BCAM: variants seen among roughly 807,000 people sequenced by gnomAD.
BCAM encodes basal cell adhesion molecule (Lutheran blood group), also known as basal cell adhesion molecule.
BCAM carries 61 observed loss-of-function variants against 72.4 expected under a neutral mutation model. The observed-to-expected ratio is 0.84, with a 90% CI of 0.69 to 1.04. The LOEUF (loss-of-function observed/expected upper bound fraction) is 1.04. BCAM is among the 50% of genes least tolerant of loss of function. The pLI, the probability that BCAM is intolerant of heterozygous loss-of-function variation, is 0.00. For synonymous variants in BCAM, 408 were observed against 384.2 expected, an observed-to-expected ratio of 1.06 and a Z score of -0.73; for missense variants, 909 against 895.0, an observed-to-expected ratio of 1.02 and a Z score of -0.20.
intron 1 of BCAM, 100 bp from the exon 2 acceptor site, chr19:44,811,125 G>C: frequency 6.4e-7 from 1 of 1,570,450 alleles, no homozygotes; most frequent in Non-Finnish European, 8.7e-7. Flanking sequence ...AGGGAGGAGG[G>C]GCTGGGACCT....
chr19:44,814,708 C>A lies in BCAM; in HGVS notation c.1026C>A (p.Tyr342Ter), dbSNP rs770541247. ...CCTATGGCTGCAGAGTGGAGGATTA[C>A]GACGCGGCAGATGACGTGCAGCTCT... Reference protein sequence around the residue: ...SGTYGCRVEDYDAADDVQLSK... With the variant: ...SGTYGCRVED The change falls in exon 8 of 15, where the codon TAC (tyrosine) becomes TAA (stop). Residue 342 changes from tyrosine to a stop codon, truncating the protein, a stop_gained. Coordinates refer to ENST00000270233, the MANE Select transcript of BCAM (RefSeq NM_005581.5). LOFTEE classifies it high-confidence loss of function. This position sits in a 1 kb window ranked among gnomAD's most constrained non-coding sequence, Gnocchi z 4.6. The A allele has an allele frequency of 6.2e-7, 1 of 1,613,900 alleles. No homozygotes were observed. The highest frequency in any genetic ancestry group is 2.2e-5 in the East Asian group (1 of 44,874).
At chr19:44,819,217 G>A (rs1025158508) in intron 11 of BCAM, 25 bp downstream of exon 11, 2 of 1,613,474 alleles carry the variant, frequency 1.2e-6, no homozygotes, top group African/African-American at 2.7e-5. Flanking sequence ...TCTCCACCCT[G>A]AGCCCCCTCT....
rs774225110 is a variant in BCAM at position 44,818,759 on chromosome 19, G to C, written c.1213G>C (p.Asp405His). 2 of 1,614,072 alleles carry C rather than the reference G, an allele frequency of 1.2e-6. No homozygotes were observed. Among genetic ancestry groups the C allele is most frequent in the Non-Finnish European group, 1.7e-6 (2 of 1,179,994 alleles). The change falls in exon 10 of 15, where the codon GAT becomes CAT. Residue 405 changes from aspartate (D) to histidine (H), a missense_variant. Transcript: ENST00000270233. This position sits in a 1 kb window ranked among gnomAD's most constrained non-coding sequence, Gnocchi z 4.6. ...RWTKDSTPLG[D>H]GPMLSLSSIT... ...TTCCCAGGACTCCACTCCCCTGGGCGATGGCCCCATGCTGTCGCTCAGTTC... is the reference window on the plus strand; with the variant it reads ...TTCCCAGGACTCCACTCCCCTGGGCCATGGCCCCATGCTGTCGCTCAGTTC...
intron 8 of BCAM, among the ~76,000 whole-genome samples, chr19:44,816,672 C>T (rs915052502): frequency 6.6e-6 from 1 of 152,182 alleles, no homozygotes; most frequent in Non-Finnish European, 1.5e-5. Context: ...GGCACAGTGG[C>T]TCACACCTGT....
At chr19:44,820,466 C>G in intron 13 of BCAM, 1 of 1,246,614 alleles carries the variant, frequency 8.0e-7, no homozygotes, top group Non-Finnish European at 1.0e-6. Flanking sequence ...GATCCCAAAG[C>G]CAACTCCAGC....
chr19:44,810,757 A>T (rs1343189729), intron 1 of BCAM, among the ~76,000 whole-genome samples: 1 of 152,208 alleles, frequency 6.6e-6, no homozygotes, highest in Non-Finnish European at 1.5e-5. Context: ...AGGCTGGTGC[A>T]GTATTACCCC....
At position 44,814,909 on chromosome 19, in the gene BCAM, T is replaced by G. The variant is rs1000245755; in HGVS notation, c.1078+149T>G. 2.1e-4 allele frequency: 56 copies of G among 260,838 alleles called. 1 individual carries two copies. The highest frequency in any genetic ancestry group is 1.7e-3 in the Middle Eastern group (1 of 580). The allele number at this position is 260,838 out of a possible 1,614,324, so 16.2% of individuals were successfully genotyped here. On this transcript the variant is annotated intron_variant, in intron 8 of 14. Transcript: ENST00000270233. The surrounding 1 kb of genome is among the most constrained non-coding windows in gnomAD (Gnocchi z 4.6). ...CATTTCTTGGGGGTTTTTTTGGTTG[T>G]TTTTTTTTTTTTTTTTTTCCCAGAG...
Position 44,814,310 on chromosome 19 carries a change from C to G in BCAM, c.921+22C>G, listed in dbSNP as rs753120862. 3 of 1,578,846 alleles carry G rather than the reference C, an allele frequency of 1.9e-6. No homozygotes were observed. The highest frequency in any genetic ancestry group is 3.9e-5 in the Admixed American group (2 of 50,698). On this transcript the variant is annotated intron_variant, in intron 7 of 14. Transcript: ENST00000270233. The surrounding 1 kb of genome is among the most constrained non-coding windows in gnomAD (Gnocchi z 4.6). ...TCAGGTGACCCACCCAAGGGTCCCT[C>G]TGGGATCCACCCCCCAGCCCCTGAC...
chr19:44,809,072 C>T (rs957238635), upstream of BCAM: 63 of 1,290,270 alleles, frequency 4.9e-5, no homozygotes, highest in Middle Eastern at 3.0e-4. Flanking sequence ...TGGCTCCCAG[C>T]CCCGCAGCGG....
Position 44,820,767 on chromosome 19 carries a change from T to A in BCAM, c.1826T>A (p.Leu609His). 6.7e-7 allele frequency: 1 copy of A among 1,502,838 alleles called. No individual in the cohort carries two copies. Among genetic ancestry groups the A allele is most frequent in the Non-Finnish European group, 8.9e-7 (1 of 1,121,228 alleles). 93.1% of individuals were successfully genotyped at this position (1,502,838 alleles called of 1,614,324 possible). The change falls in exon 14 of 15, where the codon CTC (leucine) becomes CAC (histidine). Residue 609 changes from leucine to histidine, a missense_variant. Transcript: ENST00000270233. The stretch of plus-strand genomic sequence containing the variant: ...GAGCAACCAGAGCAGACCGGCCTTC[T>A]CATGGGAGGTGCCTCCGGAGGAGCC... ...GSEQPEQTGL[L>H]MGGASGGARG...
chr19:44,817,814 G>A (rs984912442), intron 8 of BCAM, among the ~76,000 whole-genome samples: 2 of 152,196 alleles, frequency 1.3e-5, no homozygotes, highest in Admixed American at 1.3e-4. Flanking sequence ...AAAGTGCTGG[G>A]GTTATAGGCA....
At position 44,813,151 on chromosome 19, in the gene BCAM, G is replaced by A; in HGVS notation, c.505-99G>A. 7.4e-7 allele frequency: 1 copy of A among 1,358,560 alleles called. No homozygotes were observed. The highest frequency in any genetic ancestry group is 1.0e-6 in the Non-Finnish European group (1 of 979,826). The allele number at this position is 1,358,560 out of a possible 1,614,324, so 84.2% of individuals were successfully genotyped here. On this transcript the variant is annotated intron_variant, in intron 4 of 14. Transcript: ENST00000270233. This position sits in a 1 kb window ranked among gnomAD's most constrained non-coding sequence, Gnocchi z 4.2. ...GTCCTGGGAGAGTCGGGAGTTAGGAGCCCGGCTCATGAGTCTGAGTGGGGA... is the reference window on the plus strand; with the variant it reads ...GTCCTGGGAGAGTCGGGAGTTAGGAACCCGGCTCATGAGTCTGAGTGGGGA...
upstream of BCAM, chr19:44,809,085 G>A (rs1226561419): frequency 1.5e-6 from 2 of 1,339,638 alleles, no homozygotes; most frequent in Non-Finnish European, 1.9e-6. Context: ...CGCAGCGGCC[G>A]AGCTGCAGCC....
rs1176850230 is a variant in BCAM at position 44,815,673 on chromosome 19, G to A, written c.1078+913G>A. Among the ~76,000 whole-genome samples, 3 of 152,172 alleles carry A rather than the reference G, an allele frequency of 2.0e-5. No individual in the cohort carries two copies. The East Asian group carries it at 5.8e-4, about 29-fold the overall frequency. On this transcript the variant is annotated intron_variant, in intron 8 of 14. Coordinates refer to ENST00000270233, the MANE Select transcript of BCAM (RefSeq NM_005581.5). ...TCTTGGGTCTAGGGAGGTAAAGGAA[G>A]CAAGATTTGGCAAGGTGAGAAGTTG...
At position 44,819,204 on chromosome 19, in the gene BCAM, T is replaced by C. The variant is rs751343813; in HGVS notation, c.1473+12T>C. The C allele has an allele frequency of 2.5e-6, 4 of 1,613,576 alleles. No homozygotes were observed. In the Admixed American group the frequency reaches 6.7e-5, roughly 27 times the overall value. On this transcript the variant is annotated intron_variant, in intron 11 of 14. Transcript: ENST00000270233. Reference sequence around the variant, plus strand: ...AATTGGGGGGCAGCGTAAGGGACCTTCCTCTCCACCCTGAGCCCCCTCTCA... The same window carrying C: ...AATTGGGGGGCAGCGTAAGGGACCTCCCTCTCCACCCTGAGCCCCCTCTCA...
At position 44,820,694 on chromosome 19, in the gene BCAM, C is replaced by T. The variant is rs1427735880; in HGVS notation, c.1764-11C>T. The T allele has an allele frequency of 7.1e-7, 1 of 1,403,702 alleles. No homozygotes were observed. Among genetic ancestry groups the T allele is most frequent in the Non-Finnish European group, 9.3e-7 (1 of 1,074,606 alleles). The allele number at this position is 1,403,702 out of a possible 1,614,324, so 87.0% of individuals were successfully genotyped here. On this transcript the variant is annotated splice_polypyrimidine_tract_variant and intron_variant, in intron 13 of 14. Coordinates refer to ENST00000270233, the MANE Select transcript of BCAM (RefSeq NM_005581.5). ...AACACGACGCCTCCGCCCGCTGCCT[C>T]CTCCCCCCAGGCCGCCAGGGGAGCC...
intron 2 of BCAM, chr19:44,811,568 T>TGA: frequency 1.7e-6 from 1 of 601,618 alleles, no homozygotes; most frequent in Non-Finnish European, 2.7e-6. Flanking sequence ...TGCGGGCTCT[T>TGA]GAGAGAGAGA....
rs751089732 is a variant in BCAM, at chr19:44,818,700, C to T, written c.1195-41C>T. 12 of 1,612,572 alleles carry T rather than the reference C, an allele frequency of 7.4e-6. No individual in the cohort carries two copies. The highest frequency in any genetic ancestry group is 6.7e-5 in the African/African-American group (5 of 74,856). On this transcript the variant is annotated intron_variant, in intron 9 of 14. Coordinates refer to ENST00000270233, the MANE Select transcript of BCAM (RefSeq NM_005581.5). This position sits in a 1 kb window ranked among gnomAD's most constrained non-coding sequence, Gnocchi z 4.6. ...CACCCTCCTCTCTCCCCTCACTCCT[C>T]GCCCTCTCACAGCGTCCTCCTCCTC...
chr19:44,818,830 G>A lies in BCAM; in HGVS notation c.1284G>A (p.Leu428=). 3.7e-6 allele frequency: 6 copies of A among 1,614,080 alleles called. No homozygotes were observed. The highest frequency in any genetic ancestry group is 5.1e-6 in the Non-Finnish European group (6 of 1,180,004). ...SNGTYVCEAS[L]PTVPVLSRTQ... Reference sequence around the variant, plus strand: ...GCACCTACGTATGTGAGGCCTCCCTGCCCACAGTCCCGGTCCTCAGCCGCA... The same window carrying A: ...GCACCTACGTATGTGAGGCCTCCCTACCCACAGTCCCGGTCCTCAGCCGCA... The change falls in exon 10 of 15, where the codon CTG becomes CTA. Residue 428 remains leucine, a synonymous_variant. Transcript: ENST00000270233. This position sits in a 1 kb window ranked among gnomAD's most constrained non-coding sequence, Gnocchi z 4.6.
Sources: gnomAD v4.1 joint callset for allele counts (sites outside exome capture counted in the v4.1 genomes callset) on GRCh38, gnomAD v4.1.1 for gene constraint, Gnocchi (gnomAD v3.1) non-coding constraint, MANE v1.5 for transcripts, NCBI Gene and HGNC (gene_info 2026-07-23, HGNC 2026-07-21) for gene names.